Variants in DAAM2 observed in about 807,000 individuals in gnomAD.
DAAM2 encodes the protein dishevelled associated activator of morphogenesis 2.
Under a neutral mutation model 120.7 loss-of-function variants are expected in DAAM2, and 39 were observed. That is an observed-to-expected ratio of 0.32 (90% CI 0.25 to 0.42). The LOEUF is 0.42. DAAM2 is among the 10% of genes least tolerant of loss of function. DAAM2 has a pLI of 1.00. For missense variants in DAAM2, 1,283 were observed against 1,401.7 expected, an observed-to-expected ratio of 0.92 and a Z score of 1.35; for synonymous variants, 488 against 524.9, an observed-to-expected ratio of 0.93 and a Z score of 0.96.
At chr6:39,833,860 CTG>C (rs1354983483) in intron 1 of DAAM2, among the ~76,000 whole-genome samples, 1 of 152,220 alleles carries the variant, frequency 6.6e-6, no homozygotes, top group East Asian at 1.9e-4. Context: ...GTGAAATCCT[CTG>C]TATCTGGCAA....
At chr6:39,861,045 T>C in intron 3 of DAAM2, 28 bp downstream of exon 3, 2 of 1,567,722 alleles carry the variant, frequency 1.3e-6, no homozygotes, top group Non-Finnish European at 1.7e-6. Flanking sequence ...TCTGGCCACA[T>C]CTCAGGGTTC....
At chr6:39,867,319 A>T in intron 5 of DAAM2, 191 bp from the exon 6 acceptor site, 1 of 601,220 alleles carries the variant, frequency 1.7e-6, no homozygotes, top group Non-Finnish European at 2.9e-6. Context: ...GAGTATTTAA[A>T]ATGCAAATAA....
intron 14 of DAAM2, among the ~76,000 whole-genome samples, chr6:39,880,807 C>T (rs1391709040): frequency 6.6e-6 from 1 of 152,182 alleles, no homozygotes; most frequent in African/African-American, 2.4e-5. Context: ...TTTAGAGCCA[C>T]CTGTTAGCAG....
chr6:39,869,753 CTTTTT>C (rs531295826), intron 7 of DAAM2, among the ~76,000 whole-genome samples: 48 of 102,018 alleles, frequency 4.7e-4, no homozygotes, highest in African/African-American at 1.5e-3. Context: ...CGCCAGCATA[CTTTTT>C]TTTTTTTTTT....
chr6:39,830,319 C>A (rs564231657), intron 1 of DAAM2, among the ~76,000 whole-genome samples: 1 of 152,116 alleles, frequency 6.6e-6, no homozygotes, highest in Non-Finnish European at 1.5e-5. Context: ...TGGGGCATTG[C>A]GAGAAATTGG....
In DAAM2 at chr6:39,878,942, T is replaced by C. The variant is rs1764989254; in HGVS notation, c.1546-236T>C. ...GCATTGTGATGGCTATGACTCTGAT[T>C]GTCCAGTGTCCGTGTGCGTGACGTG... On this transcript the variant is annotated intron_variant, in intron 13 of 24. Coordinates refer to ENST00000274867, the MANE Select transcript of DAAM2 (RefSeq NM_001201427.2). The surrounding 1 kb of genome is among the most constrained non-coding windows in gnomAD (Gnocchi z 5.0). 6.6e-6 allele frequency among the ~76,000 whole-genome samples: 1 copy of C among 152,030 alleles called. No individual in the cohort carries two copies. Among genetic ancestry groups the C allele is most frequent in the Non-Finnish European group, 1.5e-5 (1 of 68,000 alleles).
At chr6:39,807,432 AG>A (rs2114039077) in intron 1 of DAAM2, among the ~76,000 whole-genome samples, 1 of 152,364 alleles carries the variant, frequency 6.6e-6, no homozygotes, top group South Asian at 2.1e-4. Context: ...TAGGAAAGGC[AG>A]TAAGGCAGAC....
intron 1 of DAAM2, among the ~76,000 whole-genome samples, chr6:39,841,028 T>G (rs1171547650): frequency 3.4e-3 from 50 of 14,506 alleles, no homozygotes; most frequent in South Asian, 0.01. Flanking sequence ...GAGGGTTCCA[T>G]GGGGGGAAGC....
rs775628952 is a variant in DAAM2 at position 39,873,346 on chromosome 6, C to A, written c.1153C>A (p.Gln385Lys). ...CLLSVLHHCL[Q>K]MPYKRNGGYF... ...GCTCTCTGTGCTGCACCACTGCCTG[C>A]AGATGCCCTGTAAGTACCCTGCACT... The change falls in exon 10 of 25, where the codon CAG becomes AAG. Residue 385 changes from glutamine (Q) to lysine (K), a missense_variant. Physicochemically the swap from Gln to Lys is moderately conservative, Grantham distance 53 (BLOSUM62 1). Around this residue, in one of 3 missense-constraint regions of DAAM2, gnomAD observed 338 missense variants for 443.9 expected, o/e 0.76. Transcript: ENST00000274867. 4 of 1,609,002 alleles carry A rather than the reference C, an allele frequency of 2.5e-6. No homozygotes were observed. The African/African-American group carries it at 4.0e-5, about 16-fold the overall frequency.
chr6:39,807,755 G>A (rs1434797100), intron 1 of DAAM2, among the ~76,000 whole-genome samples: 1 of 152,150 alleles, frequency 6.6e-6, no homozygotes, highest in African/African-American at 2.4e-5. Context: ...GACCTCAAGT[G>A]ACCCGCCCAC....
chr6:39,858,358 C>A (rs1764087791), intron 2 of DAAM2, among the ~76,000 whole-genome samples: 1 of 152,074 alleles, frequency 6.6e-6, no homozygotes, highest in African/African-American at 2.4e-5. Context: ...GAGAAGGGTG[C>A]CTTAGACTAA....
At chr6:39,842,898 G>A (rs1195305310) in intron 1 of DAAM2, among the ~76,000 whole-genome samples, 1 of 151,894 alleles carries the variant, frequency 6.6e-6, no homozygotes, top group African/African-American at 2.4e-5. Context: ...ATCCGCATGT[G>A]GAACGAGCAA....
rs540504328 is a variant in DAAM2 at position 39,812,331 on chromosome 6, C to A, written c.-57+19866C>A. 1.9e-4 allele frequency among the ~76,000 whole-genome samples: 29 copies of A among 152,336 alleles called. No individual in the cohort carries two copies. The South Asian group carries it at 6.0e-3, about 32-fold the overall frequency. Reference sequence around the variant, plus strand: ...CACATTTCAACACATCTCATTCTAACAGCTCTGCAAAGTGGGTATTATCCC... The same window carrying A: ...CACATTTCAACACATCTCATTCTAAAAGCTCTGCAAAGTGGGTATTATCCC... On this transcript the variant is annotated intron_variant, in intron 1 of 24. Transcript: ENST00000274867.
At chr6:39,873,409 G>T in intron 10 of DAAM2, 54 bp downstream of exon 10, 1 of 1,305,520 alleles carries the variant, frequency 7.7e-7, no homozygotes, top group Non-Finnish European at 1.1e-6. Context: ...TTGACTTGGG[G>T]CAGGTTTAGA....
chr6:39,891,372 T>C lies in DAAM2; in HGVS notation c.2177T>C (p.Ile726Thr), dbSNP rs1423909700. 4 of 1,610,972 alleles carry C rather than the reference T, an allele frequency of 2.5e-6. No homozygotes were observed. In the South Asian group the frequency reaches 4.4e-5, roughly 18 times the overall value. The stretch of plus-strand genomic sequence containing the variant: ...AAGTTCATCCCAGAGAAGAGTGACA[T>C]TGACCTCCTGGAGGAGCACAAGCAT... The part of the protein sequence containing the change: ...LLKFIPEKSD[I>T]DLLEEHKHEI... The change falls in exon 18 of 25, where the codon ATT becomes ACT. Residue 726 changes from isoleucine (I) to threonine (T), a missense_variant. Ile to Thr is a moderately conservative substitution (Grantham distance 89). Around this residue, in one of 3 missense-constraint regions of DAAM2, gnomAD observed 748 missense variants for 768.6 expected, o/e 0.97. Coordinates refer to ENST00000274867, the MANE Select transcript of DAAM2 (RefSeq NM_001201427.2).
At chr6:39,845,626 T>C (rs9471187) in intron 1 of DAAM2, among the ~76,000 whole-genome samples, 18,385 of 151,784 alleles carry the variant, frequency 0.12, 2,004 homozygotes, top group African/African-American at 0.29. Context: ...GAGTCAAAGA[T>C]ATGCATTCAT....
chr6:39,883,916 T>C lies in DAAM2; in HGVS notation c.1846-46T>C, dbSNP rs767532119. Reference sequence around the variant, plus strand: ...AGGGAGGCATGGAGCATCTTCATGATGGAGTTGGGCCAACCATGGGATCTT... The same window carrying C: ...AGGGAGGCATGGAGCATCTTCATGACGGAGTTGGGCCAACCATGGGATCTT... On this transcript the variant is annotated intron_variant, in intron 14 of 24. Coordinates refer to ENST00000274867, the MANE Select transcript of DAAM2 (RefSeq NM_001201427.2). The C allele has an allele frequency of 1.4e-5, 18 of 1,308,136 alleles. No homozygotes were observed. In the South Asian group the frequency reaches 2.2e-4, roughly 16 times the overall value. The allele number at this position is 1,308,136 out of a possible 1,614,324, so 81.0% of individuals were successfully genotyped here.
At chr6:39,883,937 A>T (rs771581978) in intron 14 of DAAM2, 25 bp from the exon 15 acceptor site, 4 of 1,542,394 alleles carry the variant, frequency 2.6e-6, no homozygotes, top group Non-Finnish European at 3.6e-6. Flanking sequence ...CAACCATGGG[A>T]TCTTCTCCCT....
rs992271323 is a variant in DAAM2, at chr6:39,856,214, C to T, written c.-56-33C>T. 27 of 1,345,584 alleles carry T rather than the reference C, an allele frequency of 2.0e-5. No homozygotes were observed. The African/African-American group carries it at 4.1e-4, about 21-fold the overall frequency. 83.4% of individuals were successfully genotyped at this position (1,345,584 alleles called of 1,614,324 possible). ...CTGCCCTGGCCTATCTGACTGTATG[C>T]CTGACCACCCTGTGTTCTCTCCTCT... is the stretch of plus-strand genomic sequence containing the variant. On this transcript the variant is annotated intron_variant, in intron 1 of 24. Transcript: ENST00000274867.
Sources: allele counts gnomAD v4.1 joint callset (sites outside exome capture counted in the v4.1 genomes callset), GRCh38; gene constraint gnomAD v4.1.1; regional missense constraint gnomAD v4.1.1; non-coding constraint Gnocchi (gnomAD v3.1); transcripts MANE v1.5; gene names NCBI Gene and HGNC (gene_info 2026-07-23, HGNC 2026-07-21).